PRICKLE2: variants seen among roughly 807,000 people sequenced by gnomAD.
PRICKLE2 encodes the protein prickle planar cell polarity protein 2, also known as prickle-like protein 2.
PRICKLE2 carries 21 observed loss-of-function variants against 81.4 expected under a neutral mutation model. The ratio of observed to expected loss-of-function variants is 0.26; its 90% CI spans 0.18 to 0.37. PRICKLE2 has a LOEUF of 0.37. Ranked by LOEUF, PRICKLE2 falls within the 10% of genes least tolerant of loss-of-function variation. The pLI is 1.00. For missense variants in PRICKLE2, 940 were observed against 1,109.0 expected, an observed-to-expected ratio of 0.85 and a Z score of 2.16; for synonymous variants, 456 against 421.5, an observed-to-expected ratio of 1.08 and a Z score of -1.00.
intron 2 of PRICKLE2, among the ~76,000 whole-genome samples, chr3:64,239,470 G>A (rs1013507926): frequency 6.6e-6 from 1 of 152,216 alleles, no homozygotes; most frequent in Non-Finnish European, 1.5e-5. Flanking sequence ...ATGCTTCCCG[G>A]AGGGATCCTT....
intron 2 of PRICKLE2, among the ~76,000 whole-genome samples, chr3:64,266,071 T>C (rs1213793419): frequency 1.3e-5 from 2 of 152,162 alleles, no homozygotes; most frequent in African/African-American, 2.4e-5. Context: ...AAGACTGCCT[T>C]GTAACAGAGC....
intron 2 of PRICKLE2, among the ~76,000 whole-genome samples, chr3:64,188,563 A>G (rs1242357447): frequency 6.6e-6 from 1 of 152,198 alleles, no homozygotes; most frequent in Non-Finnish European, 1.5e-5. Flanking sequence ...TTTGAAAACC[A>G]CGGGACGAGG....
At chr3:64,152,651 C>T (rs970095219) in intron 6 of PRICKLE2, among the ~76,000 whole-genome samples, 19 of 151,998 alleles carry the variant, frequency 1.3e-4, no homozygotes, top group Admixed American at 3.3e-4. Flanking sequence ...CTGCAAATCC[C>T]CAACTTGTCC....
chr3:64,121,137 TGGAGA>T (rs2077017988), intron 7 of PRICKLE2, among the ~76,000 whole-genome samples: 1 of 152,188 alleles, frequency 6.6e-6, no homozygotes, highest in Non-Finnish European at 1.5e-5. Context: ...GCTGAGTACC[TGGAGA>T]GTCCTCCAGG....
At chr3:64,103,704 G>A (rs1406574583) in intron 7 of PRICKLE2, among the ~76,000 whole-genome samples, 1 of 152,336 alleles carries the variant, frequency 6.6e-6, no homozygotes, top group East Asian at 1.9e-4. Context: ...GTTTGGCCAG[G>A]TGTGGTGGCT....
At chr3:64,193,751 A>G (rs1299115490) in intron 2 of PRICKLE2, among the ~76,000 whole-genome samples, 4 of 152,140 alleles carry the variant, frequency 2.6e-5, no homozygotes, top group Admixed American at 6.5e-5. Flanking sequence ...CGTGATAGTA[A>G]GTCTCACGAG....
chr3:64,171,355 C>T (rs167787), intron 2 of PRICKLE2, among the ~76,000 whole-genome samples: 76,122 of 152,132 alleles, frequency 0.5, 19,189 homozygotes, highest in East Asian at 0.66. Flanking sequence ...TGCTTTGGCA[C>T]ATATAGTGGG....
chr3:64,135,184 G>A (rs751100367), intron 7 of PRICKLE2, among the ~76,000 whole-genome samples: 3 of 152,190 alleles, frequency 2.0e-5, no homozygotes, highest in Non-Finnish European at 4.4e-5. Context: ...ACTTAGCACA[G>A]CTGAGAGTCA....
At chr3:64,108,470 T>A (rs946114894) in intron 7 of PRICKLE2, among the ~76,000 whole-genome samples, 1 of 152,050 alleles carries the variant, frequency 6.6e-6, no homozygotes, top group African/African-American at 2.4e-5. Context: ...CGCCACCACA[T>A]GTTTCTTGGT....
chr3:64,252,644 G>A (rs566422905), intron 2 of PRICKLE2, among the ~76,000 whole-genome samples: 11 of 152,178 alleles, frequency 7.2e-5, no homozygotes, highest in Non-Finnish European at 1.2e-4. Flanking sequence ...GACCCAGGAC[G>A]CATGACGGTG....
At chr3:64,136,516 A>G (rs992287583) in intron 7 of PRICKLE2, among the ~76,000 whole-genome samples, 5 of 151,102 alleles carry the variant, frequency 3.3e-5, no homozygotes, top group Admixed American at 1.3e-4. Flanking sequence ...TGGAGTGGAT[A>G]GTTTATTGTT....
chr3:64,226,919 G>C (rs895122151), upstream of PRICKLE2, among the ~76,000 whole-genome samples: 5 of 152,182 alleles, frequency 3.3e-5, no homozygotes, highest in African/African-American at 1.2e-4. Context: ...ATCATGCACA[G>C]AAGTGTCCCA....
chr3:64,218,873 A>T (rs1463963978), intron 1 of PRICKLE2, among the ~76,000 whole-genome samples: 1 of 152,100 alleles, frequency 6.6e-6, no homozygotes, highest in Admixed American at 6.6e-5. Context: ...CATTTCAGCA[A>T]CGCCCCCAGG....
intron 7 of PRICKLE2, among the ~76,000 whole-genome samples, chr3:64,143,872 G>A (rs938416298): frequency 7.2e-5 from 11 of 152,066 alleles, no homozygotes; most frequent in Admixed American, 6.5e-4. Context: ...AACCTGGGCT[G>A]GAAGCCAGGC....
chr3:64,101,624 T>A (rs2076663990), intron 7 of PRICKLE2: 1 of 152,150 alleles, frequency 6.6e-6, no homozygotes, highest in Non-Finnish European at 1.5e-5. Flanking sequence ...TGATAGCAGA[T>A]AAATAAAAAC....
intron 1 of PRICKLE2, among the ~76,000 whole-genome samples, chr3:64,210,297 GT>G (rs1171611274): frequency 6.6e-6 from 1 of 152,030 alleles, no homozygotes; most frequent in African/African-American, 2.4e-5. Flanking sequence ...ACAATACTTT[GT>G]TTTTCCCCTT....
intron 2 of PRICKLE2, among the ~76,000 whole-genome samples, chr3:64,177,792 A>T (rs2078051695): frequency 6.6e-6 from 1 of 152,070 alleles, no homozygotes; most frequent in African/African-American, 2.4e-5. Context: ...CATTTTGTTT[A>T]TCCATTTTTA....
intron 2 of PRICKLE2, among the ~76,000 whole-genome samples, chr3:64,240,395 A>G (rs2079246069): frequency 6.6e-6 from 1 of 152,220 alleles, no homozygotes; most frequent in Non-Finnish European, 1.5e-5. Flanking sequence ...TGAATATTTT[A>G]TATATAGCTA....
intron 2 of PRICKLE2, among the ~76,000 whole-genome samples, chr3:64,233,114 C>T (rs1225964164): frequency 6.6e-6 from 1 of 152,126 alleles, no homozygotes; most frequent in African/African-American, 2.4e-5. Flanking sequence ...ATTTTCCAGC[C>T]CTTGGCAAAT....
Sources: allele counts gnomAD v4.1 joint callset (sites outside exome capture counted in the v4.1 genomes callset), GRCh38; gene constraint gnomAD v4.1.1; transcripts MANE v1.5; gene names NCBI Gene and HGNC (gene_info 2026-07-23, HGNC 2026-07-21).